NBAS: variants seen among roughly 807,000 people sequenced by gnomAD.
NBAS encodes the protein NBAS subunit of NRZ tethering complex.
In NBAS, 219 loss-of-function variants were observed where a neutral mutation model predicts 302.5. That is an observed-to-expected ratio of 0.72 (90% confidence interval 0.65 to 0.81). The LOEUF is 0.81. NBAS is among the 30% of genes least tolerant of loss of function. The pLI is 0.00. For synonymous variants in NBAS, 1,118 were observed against 1,021.6 expected (o/e 1.09, Z -1.80); for missense variants, 2,932 against 2,841.6 (o/e 1.03, Z -0.72).
chr2:15,411,573 A>C (rs909868841), intron 25 of NBAS, among the ~76,000 whole-genome samples: 1 of 152,182 alleles, frequency 6.6e-6, no homozygotes, highest in Non-Finnish European at 1.5e-5. Context: ...AGTAAGCATT[A>C]AATTAGAAAA....
intron 21 of NBAS, among the ~76,000 whole-genome samples, chr2:15,438,849 C>T (rs563078140): frequency 9.9e-5 from 15 of 152,242 alleles, no homozygotes; most frequent in African/African-American, 3.4e-4. Flanking sequence ...GATGAAATCA[C>T]ACAAGGATGG....
chr2:15,433,114 G>A (rs919308525), intron 21 of NBAS, among the ~76,000 whole-genome samples: 1 of 152,126 alleles, frequency 6.6e-6, no homozygotes, highest in Admixed American at 6.6e-5. Flanking sequence ...AATACTGCCT[G>A]CTCAAATGAA....
chr2:15,274,888 C>T (rs2148052953), intron 44 of NBAS, among the ~76,000 whole-genome samples: 1 of 152,140 alleles, frequency 6.6e-6, no homozygotes, highest in Non-Finnish European at 1.5e-5. Context: ...CCTCAGCCTC[C>T]CGAGTAGCTG....
intron 31 of NBAS, among the ~76,000 whole-genome samples, chr2:15,372,930 G>T (rs1276960077): frequency 6.6e-6 from 1 of 152,068 alleles, no homozygotes; most frequent in African/African-American, 2.4e-5. Flanking sequence ...ATACCAATCT[G>T]CTTGAATTAA....
intron 21 of NBAS, among the ~76,000 whole-genome samples, chr2:15,458,319 G>T (rs1679341307): frequency 6.6e-6 from 1 of 152,178 alleles, no homozygotes; most frequent in South Asian, 2.1e-4. Context: ...CAGTAACTAT[G>T]ACATGGTTTA....
At chr2:14,930,328 T>C in the NBAS span, among the ~76,000 whole-genome samples, 9 of 152,168 alleles carry the variant, frequency 5.9e-5, no homozygotes, top group East Asian at 1.2e-3. Context: ...CCGCACTGTG[T>C]TGTGGCATTT....
chr2:15,461,287 G>C lies in NBAS; in HGVS notation c.2253C>G (p.Asp751Glu). Reference protein sequence around the residue: ...LEILFTYHGSDLLPHRLAILS... With the variant: ...LEILFTYHGSELLPHRLAILS... ...GAATTGCAAGGCGATGAGGAAGCAGGTCGGAACCATGGTAAGTAAACAGAA... is the reference window on the plus strand; with the variant it reads ...GAATTGCAAGGCGATGAGGAAGCAGCTCGGAACCATGGTAAGTAAACAGAA... The change falls in exon 21 of 52, where the codon GAC becomes GAG. Residue 751 changes from aspartate (D) to glutamate (E), a missense_variant. Physicochemically the swap from Asp to Glu is conservative, Grantham distance 45. Transcript: ENST00000281513. The C allele has an allele frequency of 6.2e-7, 1 of 1,613,292 alleles. No homozygotes were observed. Among genetic ancestry groups the C allele is most frequent in the Non-Finnish European group, 8.5e-7 (1 of 1,179,288 alleles).
the NBAS span, among the ~76,000 whole-genome samples, chr2:15,136,215 C>T: frequency 6.6e-6 from 1 of 152,174 alleles, no homozygotes; most frequent in South Asian, 2.1e-4. Context: ...CAGGCATATC[C>T]TCTTATTGGC....
chr2:14,833,435 A>G, the NBAS span, among the ~76,000 whole-genome samples: 2 of 152,156 alleles, frequency 1.3e-5, no homozygotes, highest in African/African-American at 4.8e-5. Context: ...AATATTTCTC[A>G]TCTATAAAGT....
chr2:15,521,069 GA>G (rs1324565722), intron 9 of NBAS, among the ~76,000 whole-genome samples: 1 of 152,318 alleles, frequency 6.6e-6, no homozygotes, highest in East Asian at 1.9e-4. Flanking sequence ...TGTCAATTCA[GA>G]AAGTGTCTAA....
At chr2:14,999,386 C>A in the NBAS span, among the ~76,000 whole-genome samples, 1 of 152,126 alleles carries the variant, frequency 6.6e-6, no homozygotes, top group African/African-American at 2.4e-5. Flanking sequence ...TATGGTTTGG[C>A]TCTGTGTCCC....
intron 21 of NBAS, among the ~76,000 whole-genome samples, chr2:15,439,094 G>A (rs1678192418): frequency 6.6e-6 from 1 of 152,072 alleles, no homozygotes; most frequent in South Asian, 2.1e-4. Flanking sequence ...TGCAGATCGA[G>A]ACCATCCTGG....
chr2:15,145,096 G>T, the NBAS span, among the ~76,000 whole-genome samples: 10,676 of 152,110 alleles, frequency 0.07, 393 homozygotes, highest in South Asian at 0.11. Context: ...TAGATAGAAA[G>T]CAGTCTCCAC....
chr2:15,287,214 G>A (rs1418422686), intron 41 of NBAS, 31 bp from the exon 42 acceptor site: 1 of 1,562,244 alleles, frequency 6.4e-7, no homozygotes, highest in Admixed American at 1.7e-5. Context: ...CCCAGGAAGG[G>A]AGAGAGGAGA....
chr2:15,176,649 T>C (rs1664555191), intron 51 of NBAS, among the ~76,000 whole-genome samples: 1 of 152,220 alleles, frequency 6.6e-6, no homozygotes, highest in African/African-American at 2.4e-5. Context: ...TTATACTTAC[T>C]TGTTGAGTAT....
intron 44 of NBAS, among the ~76,000 whole-genome samples, chr2:15,259,147 T>TA (rs940849636): frequency 9.8e-5 from 15 of 152,302 alleles, no homozygotes; most frequent in African/African-American, 2.2e-4. Flanking sequence ...ATAGATTTTT[T>TA]AAAAAAACCC....
At chr2:15,078,377 T>G in the NBAS span, among the ~76,000 whole-genome samples, 128 of 152,190 alleles carry the variant, frequency 8.4e-4, 1 homozygote, top group Non-Finnish European at 1.8e-3. Flanking sequence ...TAGCTCCTTC[T>G]TTTACTGCTA....
At chr2:15,132,970 T>A in the NBAS span, among the ~76,000 whole-genome samples, 1 of 152,126 alleles carries the variant, frequency 6.6e-6, no homozygotes, top group Non-Finnish European at 1.5e-5. Context: ...ATTTTCTAAA[T>A]CATGTACAAT....
intron 48 of NBAS, among the ~76,000 whole-genome samples, chr2:15,205,469 T>C (rs1273171099): frequency 9.4e-6 from 1 of 106,258 alleles, no homozygotes; most frequent in Non-Finnish European, 1.7e-5. Context: ...ATAGAGTGGT[T>C]GAATAAATTA....
Sources: allele counts gnomAD v4.1 joint callset (sites outside exome capture counted in the v4.1 genomes callset), GRCh38; gene constraint gnomAD v4.1.1; transcripts MANE v1.5; gene names NCBI Gene and HGNC (gene_info 2026-07-23, HGNC 2026-07-21).